Variants in SSBP2 observed in about 807,000 individuals in gnomAD.
SSBP2 encodes the protein single stranded DNA binding protein 2.
Under a neutral mutation model 61.8 loss-of-function variants are expected in SSBP2, and 17 were observed. That is an observed-to-expected ratio of 0.28 (90% CI 0.19 to 0.41). SSBP2 has a LOEUF of 0.41. SSBP2 is among the 10% of genes least tolerant of loss of function. SSBP2 has a pLI of 1.00. For synonymous variants in SSBP2, 139 were observed against 141.3 expected, an observed-to-expected ratio of 0.98 and a Z score of 0.12; for missense variants, 310 against 458.7, an observed-to-expected ratio of 0.68 and a Z score of 2.96.
intron 10 of SSBP2, among the ~76,000 whole-genome samples, chr5:81,451,529 C>T (rs775568029): frequency 1.3e-5 from 2 of 152,092 alleles, no homozygotes; most frequent in East Asian, 1.9e-4. Flanking sequence ...TGGGTTCAAG[C>T]GATTGTCCTG....
At chr5:81,513,801 G>GTCCT in intron 4 of SSBP2, 84 bp from the exon 5 acceptor site, 1 of 825,396 alleles carries the variant, frequency 1.2e-6, no homozygotes, top group Non-Finnish European at 2.0e-6. Context: ...ATTGCAGGAC[G>GTCCT]GGATGCTCTT....
chr5:81,453,235 T>C (rs956360468), intron 10 of SSBP2, among the ~76,000 whole-genome samples: 9 of 151,714 alleles, frequency 5.9e-5, no homozygotes, highest in African/African-American at 1.7e-4. Context: ...GAGGTGGAGG[T>C]TGCAGTGAGC....
chr5:81,513,580 CA>C, intron 5 of SSBP2, 47 bp downstream of exon 5: 1 of 1,127,046 alleles, frequency 8.9e-7, no homozygotes, highest in South Asian at 1.3e-5. Context: ...TAAAATCAAA[CA>C]GGAGTTCCTA....
At chr5:81,722,009 C>A (rs1426457098) in intron 1 of SSBP2, among the ~76,000 whole-genome samples, 1 of 151,708 alleles carries the variant, frequency 6.6e-6, no homozygotes, top group Non-Finnish European at 1.5e-5. Flanking sequence ...AAAAAAAAAT[C>A]TTTCCTTCCC....
chr5:81,650,203 ATAGT>A, intron 2 of SSBP2, 60 bp downstream of exon 2: 1 of 1,142,402 alleles, frequency 8.8e-7, no homozygotes, highest in Non-Finnish European at 1.3e-6. Flanking sequence ...AATAATTATT[ATAGT>A]GTGTTTTCCA....
chr5:81,523,497 T>TA (rs1769660313), intron 4 of SSBP2, among the ~76,000 whole-genome samples: 1 of 152,068 alleles, frequency 6.6e-6, no homozygotes, highest in Non-Finnish European at 1.5e-5. Flanking sequence ...TGCCTGAGGC[T>TA]AAGACGTACT....
intron 5 of SSBP2, among the ~76,000 whole-genome samples, chr5:81,509,515 C>A (rs1363004272): frequency 6.6e-6 from 1 of 152,124 alleles, no homozygotes; most frequent in East Asian, 1.9e-4. Context: ...TGCAGGAAAC[C>A]AATGCTGATA....
chr5:81,574,452 A>G (rs545603042), intron 4 of SSBP2, among the ~76,000 whole-genome samples: 2 of 152,264 alleles, frequency 1.3e-5, no homozygotes, highest in South Asian at 4.1e-4. Context: ...TATCTAGGAT[A>G]CAAGTCTTTG....
At position 81,494,274 on chromosome 5, in the gene SSBP2, C is replaced by T. The variant is rs551879473; in HGVS notation, c.373-4965G>A. Among the ~76,000 whole-genome samples the T allele has an allele frequency of 8.5e-5, 13 of 152,238 alleles. No individual in the cohort carries two copies. The South Asian group carries it at 2.5e-3, about 29-fold the overall frequency. On this transcript the variant is annotated intron_variant, in intron 5 of 16. Coordinates refer to ENST00000320672, the MANE Select transcript of SSBP2 (RefSeq NM_012446.5). ...AATTAGGAAAAACTCATAAGGTAAGCTTATTTACTTTATAAGAGAAACTGG... is the reference window on the plus strand; with the variant it reads ...AATTAGGAAAAACTCATAAGGTAAGTTTATTTACTTTATAAGAGAAACTGG...
intron 8 of SSBP2, among the ~76,000 whole-genome samples, chr5:81,470,049 G>GA (rs2154018662): frequency 6.6e-6 from 1 of 151,918 alleles, no homozygotes; most frequent in East Asian, 1.9e-4. Flanking sequence ...TGAAAATATA[G>GA]AATCAGTTTA....
intron 1 of SSBP2, among the ~76,000 whole-genome samples, chr5:81,721,547 T>C (rs1408814564): frequency 6.6e-6 from 1 of 151,970 alleles, no homozygotes. Context: ...GTAACAGAAA[T>C]CTAATTCTTT....
At chr5:81,613,090 C>G (rs1745614695) in intron 4 of SSBP2, among the ~76,000 whole-genome samples, 1 of 151,908 alleles carries the variant, frequency 6.6e-6, no homozygotes, top group African/African-American at 2.4e-5. Context: ...TTTTCACCAG[C>G]CTCCAATTAA....
chr5:81,581,515 C>A (rs553649271), intron 4 of SSBP2, among the ~76,000 whole-genome samples: 1 of 152,202 alleles, frequency 6.6e-6, no homozygotes, highest in South Asian at 2.1e-4. Context: ...CCATTTCAAC[C>A]TTTTAAAAAC....
intron 4 of SSBP2, among the ~76,000 whole-genome samples, chr5:81,516,392 T>A (rs1306297352): frequency 6.6e-6 from 1 of 152,056 alleles, no homozygotes; most frequent in Non-Finnish European, 1.5e-5. Context: ...CCAGCATGAG[T>A]TATCTGATGT....
At chr5:81,515,558 G>A (rs1157803589) in intron 4 of SSBP2, among the ~76,000 whole-genome samples, 2 of 149,866 alleles carry the variant, frequency 1.3e-5, no homozygotes, top group African/African-American at 2.5e-5. Flanking sequence ...TATAAAATAT[G>A]TTTTTTTCTC....
At chr5:81,570,766 C>T (rs1375625306) in intron 4 of SSBP2, among the ~76,000 whole-genome samples, 2 of 152,200 alleles carry the variant, frequency 1.3e-5, no homozygotes, top group Non-Finnish European at 2.9e-5. Flanking sequence ...AGGGAAATCT[C>T]GGTCTCAAGA....
At chr5:81,747,022 T>G (rs1294434500) in intron 1 of SSBP2, among the ~76,000 whole-genome samples, 25 of 87,268 alleles carry the variant, frequency 2.9e-4, no homozygotes, top group Non-Finnish European at 3.6e-4. Context: ...ACAAAATTCC[T>G]GGGGGGGGGG....
At chr5:81,448,941 G>A in intron 10 of SSBP2, 116 bp from the exon 11 acceptor site, 2 of 757,090 alleles carry the variant, frequency 2.6e-6, no homozygotes, top group South Asian at 3.6e-5. Context: ...ACAAAGTATA[G>A]TAAAGGATAA....
intron 5 of SSBP2, among the ~76,000 whole-genome samples, chr5:81,500,485 G>A (rs113456633): frequency 0.078 from 11,709 of 150,846 alleles, 587 homozygotes; most frequent in Middle Eastern, 0.16. Context: ...GTGCTGGAAC[G>A]GAGTCTCACT....
Sources: gnomAD v4.1 joint callset for allele counts (sites outside exome capture counted in the v4.1 genomes callset) on GRCh38, gnomAD v4.1.1 for gene constraint, MANE v1.5 for transcripts, NCBI Gene and HGNC (gene_info 2026-07-23, HGNC 2026-07-21) for gene names.